EVI5: variants seen among roughly 807,000 people sequenced by gnomAD.
The protein encoded by EVI5 is ecotropic viral integration site 5 protein homolog.
In EVI5, 73 loss-of-function variants were observed where a neutral mutation model predicts 112.0. The ratio of observed to expected loss-of-function variants is 0.65; its 90% confidence interval spans 0.54 to 0.79. The LOEUF (loss-of-function observed/expected upper bound fraction) is 0.79. Ranked by LOEUF, EVI5 falls within the 30% of genes least tolerant of loss-of-function variation. The pLI is 0.00. For synonymous variants in EVI5, 305 were observed against 319.9 expected, an observed-to-expected ratio of 0.95 and a Z score of 0.50; for missense variants, 900 against 968.8, an observed-to-expected ratio of 0.93 and a Z score of 0.94.
In EVI5 at chr1:92,662,790, T is replaced by G; in HGVS notation, c.1321A>C (p.Ser441Arg). Residue 441 changes from serine (S) to arginine (R), a missense_variant, in exon 13 of 20, where the codon AGT becomes CGT. Transcript: ENST00000684568. ...TCCAGCTTAGCACTGGCCTCATCAC[T>G]CTGCTGTTTGATGGTGGCCAACTCC... ...KRELATIKQQSDEASAKLEQA... is the reference protein window; with the variant it reads ...KRELATIKQQRDEASAKLEQA... 2 of 1,289,358 alleles carry G rather than the reference T, an allele frequency of 1.6e-6. No individual in the cohort carries two copies. Among genetic ancestry groups the G allele is most frequent in the Non-Finnish European group, 2.0e-6 (2 of 988,572 alleles). 79.9% of individuals were successfully genotyped at this position (1,289,358 alleles called of 1,614,324 possible). A position where few individuals can be genotyped will look rare whatever the true frequency, so the allele number is the denominator to read the frequency against.
chr1:92,767,636 T>C (rs1682836727), intron 1 of EVI5, among the ~76,000 whole-genome samples: 1 of 152,246 alleles, frequency 6.6e-6, no homozygotes, highest in South Asian at 2.1e-4. Flanking sequence ...GTCTTCAGCA[T>C]CTCACCAGGT....
intron 16 of EVI5, among the ~76,000 whole-genome samples, chr1:92,617,069 G>A (rs1246620844): frequency 6.6e-6 from 1 of 152,234 alleles, no homozygotes; most frequent in Non-Finnish European, 1.5e-5. Context: ...AGCTGACAGA[G>A]GAAGAGAAGA....
intron 1 of EVI5, among the ~76,000 whole-genome samples, chr1:92,779,578 A>G (rs1684602184): frequency 6.6e-6 from 1 of 152,068 alleles, no homozygotes; most frequent in African/African-American, 2.4e-5. Context: ...AGATAAGAAC[A>G]GATATGGCAC....
chr1:92,681,609 G>C (rs1443794086), intron 9 of EVI5, among the ~76,000 whole-genome samples: 6 of 152,124 alleles, frequency 3.9e-5, no homozygotes, highest in African/African-American at 1.4e-4. Context: ...TTACAGCAAA[G>C]AGTAAAACTT....
At chr1:92,532,826 G>C (rs936677330) in intron 19 of EVI5, among the ~76,000 whole-genome samples, 1 of 152,074 alleles carries the variant, frequency 6.6e-6, no homozygotes, top group African/African-American at 2.4e-5. Flanking sequence ...GCCTACAAGA[G>C]GAAGCAGGAA....
At chr1:92,527,750 GT>G (rs1306124526) in intron 19 of EVI5, among the ~76,000 whole-genome samples, 1 of 152,154 alleles carries the variant, frequency 6.6e-6, no homozygotes, top group African/African-American at 2.4e-5. Flanking sequence ...ATTTGTTTCT[GT>G]ATCCTGTTAC....
intron 13 of EVI5, among the ~76,000 whole-genome samples, chr1:92,639,458 G>C (rs1249587725): frequency 6.6e-6 from 1 of 151,986 alleles, no homozygotes; most frequent in South Asian, 2.1e-4. Flanking sequence ...GTAAATATTT[G>C]TATTGGGGGA....
At chr1:92,550,781 AATATATATATATATATATATAT>A (rs1330757944) in intron 19 of EVI5, among the ~76,000 whole-genome samples, 1 of 20,332 alleles carries the variant, frequency 4.9e-5, no homozygotes, top group Non-Finnish European at 7.7e-5. Context: ...AAAAAAAAAA[AATATATATATATATATATATAT>A]ATATATATAT....
At chr1:92,734,301 G>A (rs1676988503) in intron 2 of EVI5, among the ~76,000 whole-genome samples, 1 of 152,146 alleles carries the variant, frequency 6.6e-6, no homozygotes, top group Admixed American at 6.5e-5. Context: ...TTACAAATGA[G>A]AAGAAAGATG....
chr1:92,536,096 A>G (rs1190392978), intron 19 of EVI5, among the ~76,000 whole-genome samples: 2 of 152,200 alleles, frequency 1.3e-5, no homozygotes, highest in Non-Finnish European at 2.9e-5. Context: ...AAGTAAAAAC[A>G]TGTAGAATTT....
chr1:92,711,788 T>C (rs1672887071), intron 2 of EVI5, among the ~76,000 whole-genome samples: 1 of 152,108 alleles, frequency 6.6e-6, no homozygotes, highest in Non-Finnish European at 1.5e-5. Flanking sequence ...GAATGGAAAA[T>C]GATTAACAAA....
At chr1:92,722,215 T>A (rs893149073) in intron 2 of EVI5, among the ~76,000 whole-genome samples, 2 of 152,202 alleles carry the variant, frequency 1.3e-5, no homozygotes, top group Non-Finnish European at 2.9e-5. Flanking sequence ...TATAATATAC[T>A]GTTATTAACA....
At chr1:92,736,827 A>C (rs1294141908) in intron 1 of EVI5, among the ~76,000 whole-genome samples, 200 bp from the exon 2 acceptor site, 1 of 152,190 alleles carries the variant, frequency 6.6e-6, no homozygotes, top group East Asian at 1.9e-4. Flanking sequence ...AGCATGAACA[A>C]ATCAGAACAG....
Position 92,514,239 on chromosome 1 carries a change from C to T in EVI5, c.2167-269G>A, listed in dbSNP as rs187586028. ...TGCGATCTCGGCTCACTGCAACCTC[C>T]GCCTCCCAGGCTTAAGCGATTCTCC... On this transcript the variant is annotated intron_variant, in intron 19 of 19. Transcript: ENST00000684568. Among the ~76,000 whole-genome samples the T allele has an allele frequency of 1.3e-4, 20 of 152,144 alleles. 1 individual carries two copies. Among genetic ancestry groups the T allele is most frequent in the African/African-American group, 4.8e-4 (20 of 41,536 alleles).
In EVI5 at chr1:92,513,221, A is replaced by G. The variant is rs1226304627; in HGVS notation, c.*435T>C. ...ATGTCTTGGTCAAATGTCTGTAGAC[A>G]GCCACCTTGAGAACAAATTGATAAA... On this transcript the variant is annotated 3_prime_UTR_variant, in exon 20 of 20. Coordinates refer to ENST00000684568, the MANE Select transcript of EVI5 (RefSeq NM_001350197.2). The G allele has an allele frequency of 1.3e-5, 2 of 151,868 alleles. No individual in the cohort carries two copies. The highest frequency in any genetic ancestry group is 3.8e-4 in the East Asian group (2 of 5,198). 9.4% of individuals were successfully genotyped at this position (151,868 alleles called of 1,614,324 possible).
chr1:92,686,228 C>T (rs1057272592), intron 9 of EVI5, among the ~76,000 whole-genome samples: 1 of 152,186 alleles, frequency 6.6e-6, no homozygotes, highest in Non-Finnish European at 1.5e-5. Context: ...CCCTGGGATG[C>T]AAGGCTGCTT....
At chr1:92,647,028 A>T in intron 13 of EVI5, 1 of 215,110 alleles carries the variant, frequency 4.6e-6, no homozygotes, top group South Asian at 8.5e-5. Flanking sequence ...GAGACAGATG[A>T]ACAGTTTTTT....
intron 2 of EVI5, among the ~76,000 whole-genome samples, chr1:92,707,571 G>A (rs1214964269): frequency 6.6e-6 from 1 of 152,136 alleles, no homozygotes; most frequent in South Asian, 2.1e-4. Flanking sequence ...AGCATCTTTA[G>A]TCATCAATGG....
At chr1:92,558,729 T>C (rs1668043314) in intron 19 of EVI5, among the ~76,000 whole-genome samples, 1 of 151,206 alleles carries the variant, frequency 6.6e-6, no homozygotes, top group Non-Finnish European at 1.5e-5. Context: ...AAGGCAGGCA[T>C]GGTGGTGCAG....
Sources: gnomAD v4.1 joint callset for allele counts (sites outside exome capture counted in the v4.1 genomes callset) on GRCh38, gnomAD v4.1.1 for gene constraint, MANE v1.5 for transcripts, NCBI Gene and HGNC (gene_info 2026-07-23, HGNC 2026-07-21) for gene names.